PHKB: variants seen among roughly 807,000 people sequenced by gnomAD.
The protein encoded by PHKB is phosphorylase b kinase regulatory subunit beta.
Under a neutral mutation model 152.1 loss-of-function variants are expected in PHKB, and 122 were observed. The ratio of observed to expected loss-of-function variants is 0.80; its 90% CI spans 0.69 to 0.93. PHKB has a LOEUF of 0.93. PHKB is among the 40% of genes least tolerant of loss of function. PHKB has a pLI of 0.00. For synonymous variants in PHKB, 436 were observed against 464.9 expected, an observed-to-expected ratio of 0.94 and a Z score of 0.80; for missense variants, 1,304 against 1,328.4, an observed-to-expected ratio of 0.98 and a Z score of 0.29.
intron 2 of PHKB, among the ~76,000 whole-genome samples, chr16:47,497,789 A>G (rs955940151): frequency 1.3e-5 from 2 of 152,170 alleles, no homozygotes; most frequent in Non-Finnish European, 2.9e-5. Context: ...TGATTAATAC[A>G]CAGATATTTC....
chr16:47,505,476 A>G (rs905505469), intron 4 of PHKB: 3 of 152,476 alleles, frequency 2.0e-5, no homozygotes, highest in African/African-American at 7.2e-5. Flanking sequence ...GTCTGATCCC[A>G]GAAGCTAAGT....
chr16:47,533,289 G>A (rs1029468451), intron 6 of PHKB, among the ~76,000 whole-genome samples: 3 of 152,112 alleles, frequency 2.0e-5, no homozygotes, highest in Non-Finnish European at 4.4e-5. Context: ...TGGTCCATAG[G>A]CAGGCTCAAA....
At chr16:47,625,467 G>T (rs538264953) in intron 14 of PHKB, among the ~76,000 whole-genome samples, 2 of 152,134 alleles carry the variant, frequency 1.3e-5, no homozygotes, top group African/African-American at 2.4e-5. Context: ...TCTTTTGCTT[G>T]CCTGTTATGC....
intron 12 of PHKB, among the ~76,000 whole-genome samples, chr16:47,595,685 C>T (rs1231971284): frequency 1.3e-5 from 2 of 152,062 alleles, no homozygotes; most frequent in African/African-American, 2.4e-5. Flanking sequence ...AAAATAGCTT[C>T]CTCTGTGGCT....
chr16:47,586,986 A>G (rs1971945874), intron 8 of PHKB, among the ~76,000 whole-genome samples: 1 of 152,118 alleles, frequency 6.6e-6, no homozygotes, highest in Admixed American at 6.6e-5. Flanking sequence ...ATATGGGGGA[A>G]TTGTATAATC....
At chr16:47,463,824 C>T in intron 1 of PHKB, 1 of 980,456 alleles carries the variant, frequency 1.0e-6, no homozygotes, top group Non-Finnish European at 1.6e-6. Context: ...ATGTTAATAA[C>T]TGCTCACACT....
chr16:47,663,585 G>A (rs1000127106), intron 23 of PHKB, 92 bp from the exon 24 acceptor site: 5 of 991,626 alleles, frequency 5.0e-6, no homozygotes, highest in Non-Finnish European at 7.9e-6. Flanking sequence ...CTCTAGTGAA[G>A]CACAGTGAAA....
Position 47,593,611 on chromosome 16 carries a change from G to T in PHKB, c.1126+54G>T. ...CAAGCTTTTTCCTGAAATTTAAGCT[G>T]TAGGATTTAAGTGGTTTAAAGAAGA... On this transcript the variant is annotated intron_variant, in intron 11 of 30. Coordinates refer to ENST00000323584, the MANE Select transcript of PHKB (RefSeq NM_000293.3). 3.7e-6 allele frequency: 4 copies of T among 1,080,204 alleles called. No homozygotes were observed. In the South Asian group the frequency reaches 5.0e-5, roughly 14 times the overall value. The allele number at this position is 1,080,204 out of a possible 1,614,324, so 66.9% of individuals were successfully genotyped here.
chr16:47,565,923 G>A, intron 7 of PHKB: 1 of 1,050,292 alleles, frequency 9.5e-7, no homozygotes, highest in Admixed American at 2.3e-5. Context: ...GGGTCTTTGT[G>A]GGGGACCTCT....
intron 7 of PHKB, chr16:47,566,937 C>T (rs1041803420): frequency 1.8e-6 from 1 of 564,104 alleles, no homozygotes; most frequent in Non-Finnish European, 3.2e-6. Context: ...ATTGTTGAGG[C>T]TGCCATGTTG....
intron 14 of PHKB, among the ~76,000 whole-genome samples, chr16:47,622,458 G>A (rs1286921206): frequency 2.0e-5 from 3 of 152,138 alleles, no homozygotes; most frequent in Non-Finnish European, 4.4e-5. Flanking sequence ...GGTCCTTGGA[G>A]AGTTCCATGT....
At chr16:47,597,245 AAAAT>A (rs1232341874) in intron 13 of PHKB, among the ~76,000 whole-genome samples, 3 of 152,212 alleles carry the variant, frequency 2.0e-5, no homozygotes. Flanking sequence ...TACCTGCACT[AAAAT>A]AACTGCCTAC....
chr16:47,615,692 T>A (rs538465869), intron 14 of PHKB, among the ~76,000 whole-genome samples: 2 of 152,376 alleles, frequency 1.3e-5, no homozygotes, highest in East Asian at 3.9e-4. Context: ...CAGTCTGCTT[T>A]CTTTCCAGCT....
chr16:47,557,576 C>T (rs1349435164), intron 7 of PHKB, among the ~76,000 whole-genome samples: 6 of 152,136 alleles, frequency 3.9e-5, no homozygotes, highest in Non-Finnish European at 8.8e-5. Context: ...GGGCAAAGGA[C>T]ATGAACAGAC....
intron 7 of PHKB, among the ~76,000 whole-genome samples, chr16:47,548,500 G>A (rs1350078231): frequency 2.0e-5 from 3 of 152,060 alleles, no homozygotes; most frequent in Non-Finnish European, 4.4e-5. Context: ...CCAGCAACTG[G>A]GGAGGCTGAG....
chr16:47,666,547 G>A (rs897111495), intron 25 of PHKB, among the ~76,000 whole-genome samples: 10 of 152,196 alleles, frequency 6.6e-5, no homozygotes, highest in Non-Finnish European at 2.9e-5. Flanking sequence ...TCCTCACGGA[G>A]CCATCTCCAG....
intron 14 of PHKB, among the ~76,000 whole-genome samples, chr16:47,634,511 C>G (rs1597139154): frequency 6.6e-6 from 1 of 152,110 alleles, no homozygotes. Flanking sequence ...ATTTCTGTAT[C>G]GGACAGGTAC....
chr16:47,487,409 G>T (rs1428624625), intron 1 of PHKB, among the ~76,000 whole-genome samples: 3 of 67,242 alleles, frequency 4.5e-5, no homozygotes, highest in African/African-American at 1.7e-4. Flanking sequence ...TTAGGTACAA[G>T]AGTTTATATA....
In PHKB at chr16:47,528,699, T is replaced by TC. The variant is rs1443929406; in HGVS notation, c.594+13098_594+13099insC. Among the ~76,000 whole-genome samples, 143 of 150,344 alleles carry TC rather than the reference T, an allele frequency of 9.5e-4. 1 individual carries two copies. Among genetic ancestry groups the TC allele is most frequent in the African/African-American group, 3.1e-3 (126 of 41,142 alleles). On this transcript the variant is annotated intron_variant, in intron 6 of 30. Transcript: ENST00000323584. The stretch of plus-strand genomic sequence containing the variant: ...TTCAATAAATAAAGGACTTTTTCTT[T>TC]TTTTTTTTTTTTTTATTTTGACGGA...
Sources: allele counts gnomAD v4.1 joint callset (sites outside exome capture counted in the v4.1 genomes callset), GRCh38; gene constraint gnomAD v4.1.1; transcripts MANE v1.5; gene names NCBI Gene and HGNC (gene_info 2026-07-23, HGNC 2026-07-21).